TNIP1: variants seen among roughly 807,000 people sequenced by gnomAD.
TNIP1 encodes TNFAIP3-interacting protein 1.
In TNIP1, 22 loss-of-function variants were observed where a neutral mutation model predicts 86.6. That is an observed-to-expected ratio of 0.25 (90% CI 0.18 to 0.36). The LOEUF (loss-of-function observed/expected upper bound fraction) is 0.36. Ranked by LOEUF, TNIP1 falls within the 10% of genes least tolerant of loss-of-function variation. TNIP1 has a pLI of 1.00. For synonymous variants in TNIP1, 294 were observed against 313.0 expected, an observed-to-expected ratio of 0.94 and a Z score of 0.64; for missense variants, 709 against 820.6, an observed-to-expected ratio of 0.86 and a Z score of 1.66.
chr5:151,061,620 C>A (rs1354398363), intron 4 of TNIP1, among the ~76,000 whole-genome samples: 2 of 152,050 alleles, frequency 1.3e-5, no homozygotes, highest in Non-Finnish European at 2.9e-5. Flanking sequence ...TAGCTGGAAC[C>A]ACAGACATAC....
chr5:151,083,669 TTTTAAAGCACGCAAC>T (rs1420385525), upstream of TNIP1, among the ~76,000 whole-genome samples: 2 of 152,220 alleles, frequency 1.3e-5, no homozygotes, highest in African/African-American at 4.8e-5. Context: ...TTTGGTTTTG[TTTTAAAGCACGCAAC>T]TTCTCGATCT....
At chr5:151,053,992 GC>G (rs1430258671) in intron 6 of TNIP1, among the ~76,000 whole-genome samples, 1 of 152,220 alleles carries the variant, frequency 6.6e-6, no homozygotes. Context: ...GCCATCTGCT[GC>G]CTTCCACCTC....
chr5:151,035,059 T>C lies in TNIP1; in HGVS notation c.1530A>G (p.Ala510=). ...QVTLSNAQLK[A]FKDEEKAREA... ...CTCTTGCCTTCTCCTCATCTTTGAA[T>C]GCTTTTAGCTGAGAGAAGAAGGGAG... The change falls in exon 15 of 18, where the codon GCA becomes GCG. Residue 510 remains alanine (A), a synonymous_variant. Transcript: ENST00000521591. The C allele has an allele frequency of 6.2e-7, 1 of 1,613,848 alleles. No individual in the cohort carries two copies.
At position 151,035,083 on chromosome 5, in the gene TNIP1, A is replaced by G. The variant is rs1290244261; in HGVS notation, c.1522-16T>C. 1.2e-6 allele frequency: 2 copies of G among 1,612,224 alleles called. No homozygotes were observed. The highest frequency in any genetic ancestry group is 1.7e-6 in the Non-Finnish European group (2 of 1,179,156). On this transcript the variant is annotated splice_polypyrimidine_tract_variant and intron_variant, in intron 14 of 17. Coordinates refer to ENST00000521591, the MANE Select transcript of TNIP1 (RefSeq NM_006058.5). ...ATGCTTTTAGCTGAGAGAAGAAGGG[A>G]GGGAGAAAAGACTGTCGGCACAGGT...
At chr5:151,066,888 C>G (rs552906088) in intron 1 of TNIP1, among the ~76,000 whole-genome samples, 1 of 152,304 alleles carries the variant, frequency 6.6e-6, no homozygotes, top group East Asian at 1.9e-4. Flanking sequence ...AGGGCAGCAC[C>G]ATGCTATCAG....
chr5:151,042,200 C>T (rs1290725552), intron 11 of TNIP1, among the ~76,000 whole-genome samples: 1 of 151,972 alleles, frequency 6.6e-6, no homozygotes, highest in Non-Finnish European at 1.5e-5. Context: ...CTCGGCCTCC[C>T]CAGTTGCTAG....
At chr5:151,052,344 G>A in intron 6 of TNIP1, 85 bp from the exon 7 acceptor site, 1 of 1,130,566 alleles carries the variant, frequency 8.8e-7, no homozygotes, top group East Asian at 2.6e-5. Context: ...TGGGGGGCCT[G>A]TAGCCACCCC....
At chr5:151,051,977 T>C (rs1759983900) in intron 7 of TNIP1, among the ~76,000 whole-genome samples, 188 bp downstream of exon 7, 1 of 152,040 alleles carries the variant, frequency 6.6e-6, no homozygotes, top group South Asian at 2.1e-4. Flanking sequence ...CCTCCCAAGG[T>C]GGCAAAAGGG....
chr5:151,082,390 G>A (rs1345127593), upstream of TNIP1, among the ~76,000 whole-genome samples: 1 of 152,136 alleles, frequency 6.6e-6, no homozygotes, highest in Admixed American at 6.6e-5. Context: ...CTCACCACTG[G>A]GGGATCCTAC....
At chr5:151,052,131 C>T in intron 7 of TNIP1, 34 bp downstream of exon 7, 3 of 1,601,870 alleles carry the variant, frequency 1.9e-6, no homozygotes, top group Non-Finnish European at 2.6e-6. Context: ...GCAGCCCCCA[C>T]TCCTCACCCC....
intron 1 of TNIP1, among the ~76,000 whole-genome samples, chr5:151,079,552 A>G (rs900390460): frequency 6.6e-6 from 1 of 151,712 alleles, no homozygotes; most frequent in Non-Finnish European, 1.5e-5. Flanking sequence ...TGAACCTGGG[A>G]GGCAAGTTGC....
chr5:151,032,569 C>T (rs762155132), intron 16 of TNIP1, 186 bp from the exon 17 acceptor site: 2 of 636,812 alleles, frequency 3.1e-6, no homozygotes, highest in Non-Finnish European at 5.5e-6. Flanking sequence ...TGCTGAAGGT[C>T]ATCTAGCAAG....
In TNIP1 at chr5:151,036,845, C is replaced by T. The variant is rs1164252457; in HGVS notation, c.1340G>A (p.Gly447Glu). The change falls in exon 13 of 18, where the codon GGG (glycine) becomes GAG (glutamate). Residue 447 changes from glycine to glutamate, a missense_variant. By Grantham distance (98) the Gly-to-Glu change is moderately conservative (BLOSUM62 -2). Coordinates refer to ENST00000521591, the MANE Select transcript of TNIP1 (RefSeq NM_006058.5). ...CAGCTCCTGTTTCCTTAGGAGGGCC[C>T]CTGCTCCTTCTGGGCTCCCAAATGC... is the stretch of plus-strand genomic sequence containing the variant. ...PTAFGSPEGAGALLRKQELVT... is the reference protein window; with the variant it reads ...PTAFGSPEGAEALLRKQELVT... The T allele has an allele frequency of 1.9e-6, 3 of 1,613,708 alleles. No individual in the cohort carries two copies. In the Admixed American group the frequency reaches 5.0e-5, roughly 27 times the overall value.
intron 12 of TNIP1, 131 bp downstream of exon 12, chr5:151,038,966 A>C (rs1466533917): frequency 7.8e-7 from 1 of 1,286,370 alleles, no homozygotes; most frequent in African/African-American, 1.5e-5. Flanking sequence ...AGCAGGCGGG[A>C]AACAGGATGC....
intron 1 of TNIP1, among the ~76,000 whole-genome samples, chr5:151,068,182 A>G (rs59926079): frequency 0.14 from 21,611 of 152,140 alleles, 2,143 homozygotes; most frequent in African/African-American, 0.29. Context: ...CAGAGGAGCC[A>G]CCCCTGGAGG....
At chr5:151,062,287 C>A (rs1381518319) in intron 3 of TNIP1, 75 bp from the exon 4 acceptor site, 3 of 1,396,182 alleles carry the variant, frequency 2.1e-6, no homozygotes, top group Non-Finnish European at 3.0e-6. Context: ...CAAGGACAGC[C>A]CTTGACAAAA....
At chr5:151,042,444 G>C (rs1758546087) in intron 11 of TNIP1, 96 bp downstream of exon 11, 2 of 1,527,318 alleles carry the variant, frequency 1.3e-6, no homozygotes, top group African/African-American at 1.4e-5. Context: ...TAGACCCCCG[G>C]GTCTCCTGAC....
At chr5:151,053,018 C>A (rs954597802) in intron 6 of TNIP1, among the ~76,000 whole-genome samples, 2 of 151,068 alleles carry the variant, frequency 1.3e-5, no homozygotes, top group African/African-American at 4.9e-5. Flanking sequence ...GGCATTCAGT[C>A]GGGACCTCAC....
At chr5:151,078,056 C>T (rs766077098) in intron 1 of TNIP1, among the ~76,000 whole-genome samples, 1 of 152,228 alleles carries the variant, frequency 6.6e-6, no homozygotes, top group Non-Finnish European at 1.5e-5. Context: ...AATTACTCTG[C>T]ACTCCAGTTA....
Sources: gnomAD v4.1 joint callset for allele counts (sites outside exome capture counted in the v4.1 genomes callset) on GRCh38, gnomAD v4.1.1 for gene constraint, MANE v1.5 for transcripts, NCBI Gene and HGNC (gene_info 2026-07-23, HGNC 2026-07-21) for gene names.